Variants in OPN1SW observed in about 807,000 individuals in gnomAD.
OPN1SW encodes opsin 1, short wave sensitive, also known as short-wave-sensitive opsin 1.
OPN1SW carries 25 observed loss-of-function variants against 31.9 expected under a neutral mutation model. The observed-to-expected ratio is 0.78, with a 90% confidence interval of 0.57 to 1.09. OPN1SW has a LOEUF of 1.09. Ranked by LOEUF, OPN1SW falls within the 50% of genes least tolerant of loss-of-function variation. The pLI is 0.00. For synonymous variants in OPN1SW, 190 were observed against 171.9 expected, an observed-to-expected ratio of 1.11 and a Z score of -0.82; for missense variants, 424 against 448.0, an observed-to-expected ratio of 0.95 and a Z score of 0.48.
chr7:128,774,777 C>T (rs1211503331), intron 2 of OPN1SW, 114 bp from the exon 3 acceptor site: 4 of 1,483,672 alleles, frequency 2.7e-6, no homozygotes, highest in Non-Finnish European at 3.7e-6. Context: ...AGGCTTCAAG[C>T]AGGGGGGTTT....
In OPN1SW at chr7:128,773,708, A is replaced by C; in HGVS notation, c.859T>G (p.Phe287Val). ...TAGATGCAAGCACTCTTGGAGAAGA[A>C]TGAAGGAATGGTGACAAGCCGTAAG... ...LDLRLVTIPSFFSKSACIYNP... is the reference protein window; with the variant it reads ...LDLRLVTIPSVFSKSACIYNP... The change falls in exon 4 of 5, where the codon TTC becomes GTC. Residue 287 changes from phenylalanine to valine, a missense_variant. Transcript: ENST00000249389. 2 of 1,614,260 alleles carry C rather than the reference A, an allele frequency of 1.2e-6. No homozygotes were observed. The highest frequency in any genetic ancestry group is 1.7e-6 in the Non-Finnish European group (2 of 1,180,048).
chr7:128,773,693 C>T lies in OPN1SW; in HGVS notation c.874G>A (p.Ala292Thr). Residue 292 changes from alanine to threonine, a missense_variant, in exon 4 of 5, where the codon GCT becomes ACT. Transcript: ENST00000249389. ...VTIPSFFSKS[A>T]CIYNPIIYCF... ...TAGATGATGGGATTGTAGATGCAAG[C>T]ACTCTTGGAGAAGAATGAAGGAATG... The T allele has an allele frequency of 2.5e-6, 4 of 1,614,236 alleles. No individual in the cohort carries two copies. Among genetic ancestry groups the T allele is most frequent in the Non-Finnish European group, 3.4e-6 (4 of 1,180,034 alleles).
At position 128,775,254 on chromosome 7, in the gene OPN1SW, G is replaced by A. The variant is rs1163489726; in HGVS notation, c.344-100C>T. 2.2e-6 allele frequency: 3 copies of A among 1,389,812 alleles called. No homozygotes were observed. In the African/African-American group the frequency reaches 4.3e-5, roughly 20 times the overall value. 86.1% of individuals were successfully genotyped at this position (1,389,812 alleles called of 1,614,324 possible). ...GGTGGAGCAAGCACAGAGAGACAGG[G>A]CTGGACTGACATTTGGAGTGAAGAC... On this transcript the variant is annotated intron_variant, in intron 1 of 4. Transcript: ENST00000249389.
intron 4 of OPN1SW, 128 bp downstream of exon 4, chr7:128,773,521 G>A (rs1801679008): frequency 3.2e-6 from 4 of 1,269,344 alleles, no homozygotes; most frequent in East Asian, 4.7e-5. Flanking sequence ...CAACCTACTC[G>A]GGGGTTTTGT....
Position 128,772,567 on chromosome 7 carries a change from G to C in OPN1SW, c.1011C>G (p.Val337=). Residue 337 remains valine, a synonymous_variant, in exon 5 of 5, where the codon GTC becomes GTG. Coordinates refer to ENST00000249389, the MANE Select transcript of OPN1SW (RefSeq NM_001385125.1). ...AGTTGGGGCCAACTTGGGTAGACGA[G>C]ACAGTAGAAACTTCTGTTTTCTGGG... ...CSSQKTEVST[V]SSTQVGPN is the part of the protein sequence containing the mutation. 3 of 1,614,188 alleles carry C rather than the reference G, an allele frequency of 1.9e-6. No individual in the cohort carries two copies. Among genetic ancestry groups the C allele is most frequent in the Non-Finnish European group, 2.5e-6 (3 of 1,180,038 alleles).
At chr7:128,773,942 GC>G in intron 3 of OPN1SW, 54 bp from the exon 4 acceptor site, 2 of 1,465,974 alleles carry the variant, frequency 1.4e-6, no homozygotes, top group Admixed American at 2.4e-5. Flanking sequence ...CCCTCTGGAT[GC>G]TTTTTTTTTT....
At chr7:128,773,577 T>C (rs1801680520) in intron 4 of OPN1SW, 72 bp downstream of exon 4, 5 of 1,604,082 alleles carry the variant, frequency 3.1e-6, no homozygotes, top group Non-Finnish European at 4.3e-6. Context: ...CAGGGTGCTC[T>C]GAGTTAAAAG....
chr7:128,772,667 GAA>G lies in OPN1SW; in HGVS notation c.919-10_919-9del. On this transcript the variant is annotated splice_polypyrimidine_tract_variant and intron_variant, in intron 4 of 4. Coordinates refer to ENST00000249389, the MANE Select transcript of OPN1SW (RefSeq NM_001385125.1). ...CATGATGCAAGCTTGGAACTGGAGAGAAAGGTACAATTGGAGATAACCTTGGC... is the reference window on the plus strand; with the variant it reads ...CATGATGCAAGCTTGGAACTGGAGAGAGGTACAATTGGAGATAACCTTGGC... 6.2e-7 allele frequency: 1 copy of G among 1,614,038 alleles called. No individual in the cohort carries two copies.
At position 128,775,166 on chromosome 7, in the gene OPN1SW, T is replaced by G; in HGVS notation, c.344-12A>C. Reference sequence around the variant, plus strand: ...TCCTGTAACCAGACCTGTGGTGAAATGTGAGGATAATGGGCTAGACAGAGC... The same window carrying G: ...TCCTGTAACCAGACCTGTGGTGAAAGGTGAGGATAATGGGCTAGACAGAGC... On this transcript the variant is annotated splice_polypyrimidine_tract_variant and intron_variant, in intron 1 of 4. Coordinates refer to ENST00000249389, the MANE Select transcript of OPN1SW (RefSeq NM_001385125.1). 6.2e-7 allele frequency: 1 copy of G among 1,613,530 alleles called. No individual in the cohort carries two copies. The highest frequency in any genetic ancestry group is 1.3e-5 in the African/African-American group (1 of 74,986).
In OPN1SW at chr7:128,774,580, C is replaced by T. The variant is rs200180187; in HGVS notation, c.596G>A (p.Trp199Ter). ...GTKYRSESYTWFLFIFCFIVP... is the reference protein window; with the variant it reads ...GTKYRSESYT The stretch of plus-strand genomic sequence containing the variant: ...AATGAAGCAGAAGATGAAGAGGAAC[C>T]ACGTATAGGACTCGCTGCGGTATTT... Residue 199 changes from tryptophan to a stop codon, truncating the protein, a stop_gained, in exon 3 of 5, where the codon TGG becomes TAG. Transcript: ENST00000249389. LOFTEE classifies it high-confidence loss of function. The T allele has an allele frequency of 6.2e-7, 1 of 1,614,096 alleles. No homozygotes were observed. Among genetic ancestry groups the T allele is most frequent in the Non-Finnish European group, 8.5e-7 (1 of 1,180,024 alleles).
At chr7:128,773,412 G>T (rs2128885661) in intron 4 of OPN1SW, among the ~76,000 whole-genome samples, 1 of 152,202 alleles carries the variant, frequency 6.6e-6, no homozygotes, top group South Asian at 2.1e-4. Context: ...CCTGTTCTTT[G>T]GAGCAACTTC....
At chr7:128,775,303 C>T in intron 1 of OPN1SW, 136 bp downstream of exon 1, 1 of 1,289,968 alleles carries the variant, frequency 7.8e-7, no homozygotes, top group East Asian at 2.3e-5. Context: ...TTTAGCCAAA[C>T]TTCTAGTCTG....
Position 128,774,594 on chromosome 7 carries a change from G to T in OPN1SW, c.582C>A (p.Ser194Arg), listed in dbSNP as rs760831035. The T allele has an allele frequency of 6.2e-7, 1 of 1,614,008 alleles. No individual in the cohort carries two copies. The highest frequency in any genetic ancestry group is 8.5e-7 in the Non-Finnish European group (1 of 1,180,052). The change falls in exon 3 of 5, where the codon AGC becomes AGA. Residue 194 changes from serine (S) to arginine (R), a missense_variant. Physicochemically the swap from Ser to Arg is moderately radical, Grantham distance 110 (BLOSUM62 -1). Transcript: ENST00000249389. ...TGAAGAGGAACCACGTATAGGACTCGCTGCGGTATTTGGTGCCCACGGTGT... is the reference window on the plus strand; with the variant it reads ...TGAAGAGGAACCACGTATAGGACTCTCTGCGGTATTTGGTGCCCACGGTGT... ...DWYTVGTKYR[S>R]ESYTWFLFIF...
intron 3 of OPN1SW, among the ~76,000 whole-genome samples, chr7:128,774,255 G>A (rs1436492378): frequency 5.3e-5 from 8 of 152,142 alleles, no homozygotes; most frequent in South Asian, 2.1e-4. Context: ...CACTGCGCCC[G>A]GTCTCTGGAT....
chr7:128,774,314 T>C (rs1279313675), intron 3 of OPN1SW, among the ~76,000 whole-genome samples, 184 bp downstream of exon 3: 1 of 152,186 alleles, frequency 6.6e-6, no homozygotes, highest in East Asian at 1.9e-4. Flanking sequence ...TTGCCTCTTT[T>C]CTGTCCCATC....
chr7:128,774,003 CT>C, intron 3 of OPN1SW, 115 bp from the exon 4 acceptor site: 1 of 1,353,030 alleles, frequency 7.4e-7, no homozygotes, highest in Non-Finnish European at 9.8e-7. Flanking sequence ...GAGTCTCGCT[CT>C]GTTGCCCAGG....
rs1801713398 is a variant in OPN1SW, at chr7:128,774,496, A to G, written c.678+2T>C. The G allele has an allele frequency of 1.2e-6, 2 of 1,613,688 alleles. No homozygotes were observed. Among genetic ancestry groups the G allele is most frequent in the Admixed American group, 1.7e-5 (1 of 59,994 alleles). On this transcript the variant is annotated splice_donor_variant, in intron 3 of 4. Coordinates refer to ENST00000249389, the MANE Select transcript of OPN1SW (RefSeq NM_001385125.1). LOFTEE classifies it high-confidence loss of function. ...CTTCCCTGACTATCAAATGCCACTC[A>G]CAGCTTTCAGGGCCCTCAGCAGCTG...
chr7:128,772,779 TG>T (rs1369694353), intron 4 of OPN1SW, 120 bp from the exon 5 acceptor site: 8 of 1,337,776 alleles, frequency 6.0e-6, no homozygotes, highest in Non-Finnish European at 8.5e-6. Flanking sequence ...TGCCCTTAGG[TG>T]GTTTTGAATC....
intron 1 of OPN1SW, 87 bp from the exon 2 acceptor site, chr7:128,775,241 A>C: frequency 7.0e-7 from 1 of 1,430,956 alleles, no homozygotes; most frequent in South Asian, 1.2e-5. Flanking sequence ...TGGAGCAAGC[A>C]CAGAGAGACA....
Sources: gnomAD v4.1 joint callset for allele counts (sites outside exome capture counted in the v4.1 genomes callset) on GRCh38, gnomAD v4.1.1 for gene constraint, MANE v1.5 for transcripts, NCBI Gene and HGNC (gene_info 2026-07-23, HGNC 2026-07-21) for gene names.